MTMR8: variants seen among roughly 807,000 people sequenced by gnomAD.
MTMR8 encodes myotubularin related protein 8, also known as phosphatidylinositol-3,5-bisphosphate 3-phosphatase MTMR8.
Under a neutral mutation model 39.3 loss-of-function variants are expected in MTMR8, and 65 were observed. The ratio of observed to expected loss-of-function variants is 1.65; its 90% confidence interval spans 1.35 to 2.03. MTMR8 has a LOEUF of 2.03. Ranked by LOEUF, MTMR8 falls within the 30% of genes most tolerant of loss-of-function variation. MTMR8 has a pLI of 0.00. For missense variants in MTMR8, 777 were observed against 538.9 expected (o/e 1.44, Z -4.37); for synonymous variants, 245 against 185.2 (o/e 1.32, Z -2.62).
chrX:64,285,470 G>C (rs1921128764), intron 12 of MTMR8, among the ~76,000 whole-genome samples: 1 of 111,363 alleles, frequency 9.0e-6, no homozygotes, highest in African/African-American at 3.3e-5. Context: ...GCACCAAGCA[G>C]ACCTAATAGA....
At chrX:64,302,225 G>C (rs948305808) in intron 12 of MTMR8, among the ~76,000 whole-genome samples, 1 of 112,540 alleles carries the variant, frequency 8.9e-6, no homozygotes, top group Admixed American at 9.3e-5. Flanking sequence ...GAGATTCCGC[G>C]GGCGTAGGAC....
intron 12 of MTMR8, among the ~76,000 whole-genome samples, chrX:64,303,803 A>G (rs1921985263): frequency 8.9e-6 from 1 of 112,515 alleles, no homozygotes; most frequent in African/African-American, 3.2e-5. Flanking sequence ...ACAGCATGGT[A>G]TTCTAACACA....
chrX:64,316,036 C>T (rs751380366), intron 12 of MTMR8, among the ~76,000 whole-genome samples: 46 of 111,197 alleles, frequency 4.1e-4, no homozygotes, highest in Admixed American at 2.9e-3. Flanking sequence ...TCCCTTTTCC[C>T]TCCCCTATTT....
intron 1 of MTMR8, among the ~76,000 whole-genome samples, chrX:64,372,207 C>T (rs1424400422): frequency 5.5e-5 from 6 of 108,285 alleles, no homozygotes; most frequent in African/African-American, 2.0e-4. Context: ...TCCCAAGGAC[C>T]TTTTGCCCAG....
chrX:64,348,905 A>G (rs1001055374), intron 5 of MTMR8, 111 bp from the exon 6 acceptor site: 3 of 839,967 alleles, frequency 3.6e-6, no homozygotes, highest in African/African-American at 2.0e-5. Context: ...CCAACTTAAG[A>G]TAGTGTCCAA....
intron 12 of MTMR8, among the ~76,000 whole-genome samples, chrX:64,321,299 G>T (rs1174871980): frequency 1.8e-5 from 2 of 111,911 alleles, no homozygotes; most frequent in Non-Finnish European, 3.8e-5. Context: ...TGCTCAAACA[G>T]CTAAAGGAAA....
chrX:64,359,729 C>G (rs894136253), intron 1 of MTMR8, among the ~76,000 whole-genome samples: 14 of 110,341 alleles, frequency 1.3e-4, no homozygotes, highest in Non-Finnish European at 1.7e-4. Context: ...GAGAGGAAAA[C>G]CCGTATTCTA....
chrX:64,370,996 C>A (rs56661666), intron 1 of MTMR8, among the ~76,000 whole-genome samples: 9,140 of 110,809 alleles, frequency 0.082, 1,014 homozygotes, highest in African/African-American at 0.29. Context: ...CTACAAAAAA[C>A]AATAAAAATA....
At chrX:64,293,382 C>A (rs1036733035) in intron 12 of MTMR8, among the ~76,000 whole-genome samples, 1 of 111,425 alleles carries the variant, frequency 9.0e-6, no homozygotes, top group African/African-American at 3.3e-5. Context: ...CCACGTAGAG[C>A]CAGGTCCGTG....
At chrX:64,292,459 G>T (rs191709292) in intron 12 of MTMR8, among the ~76,000 whole-genome samples, 24 of 111,046 alleles carry the variant, frequency 2.2e-4, no homozygotes, top group African/African-American at 7.2e-4. Flanking sequence ...GGTTTGCACA[G>T]AGAGGAGGTA....
At chrX:64,302,436 C>T (rs957210572) in intron 12 of MTMR8, among the ~76,000 whole-genome samples, 5 of 111,989 alleles carry the variant, frequency 4.5e-5, no homozygotes, top group Admixed American at 1.9e-4. Context: ...GCGGACGGTG[C>T]GCACACCCAC....
chrX:64,352,560 AG>A (rs1217132885), intron 4 of MTMR8, among the ~76,000 whole-genome samples: 1 of 111,528 alleles, frequency 9.0e-6, no homozygotes, highest in Non-Finnish European at 1.9e-5. Context: ...ATCACCTTGA[AG>A]TCAAGTGTAA....
In MTMR8 at chrX:64,270,991, TC is replaced by T; in HGVS notation, c.1563del (p.Lys522AsnfsTer13). The part of the protein sequence containing the change: ...QSMLESLLEI[K>X]KQRAMLETDV... ...TCTGTCTCCAGCATTGCTCTCTGTT[TC>T]TTAATTTCCAGGAGGCTCTCTAGCA... is the stretch of plus-strand genomic sequence containing the variant. On this transcript the variant is annotated frameshift_variant, in exon 13 of 14. Coordinates refer to ENST00000374852, the MANE Select transcript of MTMR8 (RefSeq NM_017677.4). LOFTEE classifies it low-confidence loss of function (END_TRUNC). 1.7e-6 allele frequency: 2 copies of T among 1,210,784 alleles called. No individual in the cohort carries two copies. The highest frequency in any genetic ancestry group is 2.2e-6 in the Non-Finnish European group (2 of 895,098).
intron 2 of MTMR8, among the ~76,000 whole-genome samples, chrX:64,357,702 A>G (rs1374107286): frequency 1.8e-5 from 2 of 112,135 alleles, no homozygotes; most frequent in Non-Finnish European, 1.9e-5. Flanking sequence ...TGCTGGGATC[A>G]CAGGTATAAT....
At chrX:64,336,428 C>G (rs1923074693) in intron 9 of MTMR8, among the ~76,000 whole-genome samples, 1 of 109,435 alleles carries the variant, frequency 9.1e-6, no homozygotes, top group Non-Finnish European at 1.9e-5. Flanking sequence ...TAAATTCACA[C>G]TTTGAAAAAC....
intron 1 of MTMR8, among the ~76,000 whole-genome samples, chrX:64,391,901 G>A (rs1231314494): frequency 2.7e-5 from 3 of 112,133 alleles, no homozygotes; most frequent in Non-Finnish European, 3.8e-5. Flanking sequence ...ACAGCAAATT[G>A]TCAAACCAGT....
At chrX:64,360,117 G>T (rs888105652) in intron 1 of MTMR8, among the ~76,000 whole-genome samples, 12 of 110,323 alleles carry the variant, frequency 1.1e-4, no homozygotes, top group African/African-American at 2.6e-4. Context: ...GACTAGAAGA[G>T]ATATACTTTA....
chrX:64,353,482 A>T (rs1281301914), intron 4 of MTMR8, among the ~76,000 whole-genome samples: 1 of 112,491 alleles, frequency 8.9e-6, no homozygotes, highest in East Asian at 2.8e-4. Context: ...ACCAACAAGT[A>T]TATGAAAAAA....
intron 12 of MTMR8, among the ~76,000 whole-genome samples, chrX:64,295,659 T>C (rs529334034): frequency 8.9e-6 from 1 of 111,732 alleles, no homozygotes; most frequent in Non-Finnish European, 1.9e-5. Flanking sequence ...CTTGAATAGA[T>C]ATTTCTCCAA....
Sources: allele counts gnomAD v4.1 joint callset (sites outside exome capture counted in the v4.1 genomes callset), GRCh38; gene constraint gnomAD v4.1.1; transcripts MANE v1.5; gene names NCBI Gene and HGNC (gene_info 2026-07-23, HGNC 2026-07-21).